The following PHIP variants were observed in gnomAD, a reference collection of about 807,000 sequenced individuals.
PHIP encodes PH-interacting protein.
A neutral mutation model predicts 236.8 loss-of-function variants in PHIP; 54 were observed. That is an observed-to-expected ratio of 0.23 (90% CI 0.18 to 0.29). PHIP has a LOEUF of 0.29. Among genes scored for constraint, PHIP ranks in the 10% least tolerant of loss-of-function variants. The pLI is 1.00. For synonymous variants in PHIP, 756 were observed against 718.9 expected (o/e 1.05, Z -0.83); for missense variants, 1,370 against 2,190.8 (o/e 0.63, Z 7.48).
chr6:79,045,527 A>C (rs1215150437), intron 6 of PHIP, among the ~76,000 whole-genome samples: 1 of 152,114 alleles, frequency 6.6e-6, no homozygotes, highest in Non-Finnish European at 1.5e-5. Context: ...TTTTAAATTA[A>C]AAAAGTATAT....
At chr6:79,037,434 G>A (rs151058534) in intron 7 of PHIP, among the ~76,000 whole-genome samples, 23 of 152,232 alleles carry the variant, frequency 1.5e-4, no homozygotes, top group African/African-American at 5.5e-4. Flanking sequence ...AAGTTAACAT[G>A]GTTACATTAG....
intron 7 of PHIP, among the ~76,000 whole-genome samples, chr6:79,040,569 C>T (rs1158991039): frequency 1.3e-5 from 2 of 152,066 alleles, no homozygotes; most frequent in Non-Finnish European, 2.9e-5. Flanking sequence ...ATCTTAAAGG[C>T]TGATTCTATC....
At chr6:78,953,257 C>T (rs1469634866) in intron 35 of PHIP, among the ~76,000 whole-genome samples, 1 of 152,054 alleles carries the variant, frequency 6.6e-6, no homozygotes, top group Non-Finnish European at 1.5e-5. Flanking sequence ...TACAGTTCTT[C>T]AATATTTCTG....
At chr6:78,978,528 G>A in intron 24 of PHIP, 64 bp downstream of exon 24, 1 of 1,321,750 alleles carries the variant, frequency 7.6e-7, no homozygotes, top group Non-Finnish European at 1.1e-6. Flanking sequence ...TCTATTTCAA[G>A]AGCTGTTAAA....
chr6:78,986,924 C>A (rs1768901858), intron 21 of PHIP, among the ~76,000 whole-genome samples: 1 of 144,494 alleles, frequency 6.9e-6, no homozygotes, highest in African/African-American at 2.5e-5. Flanking sequence ...TGTGTTACTT[C>A]CTTAAAGGGG....
In PHIP at chr6:79,077,265, A is replaced by G. The variant is rs372741754; in HGVS notation, c.189+183T>C. Among the ~76,000 whole-genome samples, 96 of 151,886 alleles carry G rather than the reference A, an allele frequency of 6.3e-4. 1 individual carries two copies. In the South Asian group the frequency reaches 8.1e-3, roughly 13 times the overall value. ...ATTGTCCGCAGCCCCTGCGGCCCCG[A>G]AGTACGAGTACCCCCGGCCACTGGC... On this transcript the variant is annotated intron_variant, in intron 4 of 39. Coordinates refer to ENST00000275034, the MANE Select transcript of PHIP (RefSeq NM_017934.7).
chr6:78,982,454 A>G (rs1212432550), intron 23 of PHIP, among the ~76,000 whole-genome samples: 1 of 152,040 alleles, frequency 6.6e-6, no homozygotes, highest in Non-Finnish European at 1.5e-5. Flanking sequence ...CAACTGTAAC[A>G]AGTTGTGTCA....
intron 22 of PHIP, among the ~76,000 whole-genome samples, chr6:78,983,524 T>G (rs1318144318): frequency 3.9e-5 from 6 of 152,204 alleles, no homozygotes; most frequent in Admixed American, 1.3e-4. Flanking sequence ...GTGTCAACAT[T>G]AAGGAGATAT....
chr6:78,985,603 G>A (rs949663424), intron 21 of PHIP, among the ~76,000 whole-genome samples, 175 bp from the exon 22 acceptor site: 1 of 152,290 alleles, frequency 6.6e-6, no homozygotes, highest in Non-Finnish European at 1.5e-5. Context: ...CACTTTGAGA[G>A]GTCAAGGTGG....
At chr6:78,974,597 T>G (rs549988481) in intron 24 of PHIP, among the ~76,000 whole-genome samples, 48 of 152,096 alleles carry the variant, frequency 3.2e-4, no homozygotes, top group African/African-American at 1.1e-3. Flanking sequence ...AGCTGGTTTT[T>G]TGAAAGATCA....
intron 4 of PHIP, among the ~76,000 whole-genome samples, chr6:79,071,110 T>C (rs1048066075): frequency 6.6e-6 from 1 of 152,216 alleles, no homozygotes; most frequent in African/African-American, 2.4e-5. Context: ...TATCAAAAAC[T>C]CCTCATCCAA....
chr6:79,022,309 T>A (rs925510017), intron 9 of PHIP, among the ~76,000 whole-genome samples: 1 of 152,192 alleles, frequency 6.6e-6, no homozygotes, highest in Non-Finnish European at 1.5e-5. Flanking sequence ...ATGTCCAATA[T>A]GCTCAATAAA....
intron 22 of PHIP, 21 bp downstream of exon 22, chr6:78,985,331 A>C: frequency 7.2e-7 from 1 of 1,380,460 alleles, no homozygotes; most frequent in Non-Finnish European, 1.0e-6. Context: ...ACATTTGGAA[A>C]AATAAAAAGC....
chr6:78,945,922 A>G, intron 38 of PHIP, 79 bp downstream of exon 38: 1 of 964,016 alleles, frequency 1.0e-6, no homozygotes, highest in Non-Finnish European at 1.6e-6. Flanking sequence ...ACTAAAACTC[A>G]GTATATTGCA....
chr6:79,040,627 C>G (rs1375534131), intron 7 of PHIP, among the ~76,000 whole-genome samples: 5 of 151,978 alleles, frequency 3.3e-5, no homozygotes, highest in Non-Finnish European at 7.4e-5. Flanking sequence ...CTAGTCTGTG[C>G]CTAGTGAAAT....
rs187699755 is a variant in PHIP at position 78,941,599 on chromosome 6, G to T, written c.4829-269C>A. ...TTATCTAAGTTAACATTGTGATTGAGTATAAAGCTGGGATGACTAAAGGTT... is the reference window on the plus strand; with the variant it reads ...TTATCTAAGTTAACATTGTGATTGATTATAAAGCTGGGATGACTAAAGGTT... On this transcript the variant is annotated intron_variant, in intron 39 of 39. Coordinates refer to ENST00000275034, the MANE Select transcript of PHIP (RefSeq NM_017934.7). Among the ~76,000 whole-genome samples, 97 of 152,250 alleles carry T rather than the reference G, an allele frequency of 6.4e-4. 1 individual carries two copies. The South Asian group carries it at 8.1e-3, about 13-fold the overall frequency.
At chr6:79,038,920 A>G (rs1014490533) in intron 7 of PHIP, among the ~76,000 whole-genome samples, 2 of 152,164 alleles carry the variant, frequency 1.3e-5, no homozygotes, top group African/African-American at 4.8e-5. Context: ...GTGAAAAAAT[A>G]TGTCATCCTA....
At chr6:79,077,969 G>A (rs1168528424) in intron 1 of PHIP, 56 bp from the exon 2 acceptor site, 1 of 1,593,424 alleles carries the variant, frequency 6.3e-7, no homozygotes, top group Non-Finnish European at 8.5e-7. Context: ...GGCGGCGGGG[G>A]GCGGGGGACC....
intron 20 of PHIP, among the ~76,000 whole-genome samples, chr6:78,988,796 A>G (rs965221929): frequency 6.6e-6 from 1 of 152,090 alleles, no homozygotes; most frequent in Non-Finnish European, 1.5e-5. Context: ...TAAACCAAAC[A>G]CTGAACTCTT....
Sources: gnomAD v4.1 joint callset for allele counts (sites outside exome capture counted in the v4.1 genomes callset) on GRCh38, gnomAD v4.1.1 for gene constraint, MANE v1.5 for transcripts, NCBI Gene and HGNC (gene_info 2026-07-23, HGNC 2026-07-21) for gene names.